C5orf47: variants seen among roughly 807,000 people sequenced by gnomAD.
C5orf47 encodes uncharacterized protein C5orf47.
Under a neutral mutation model 20.6 loss-of-function variants are expected in C5orf47, and 20 were observed. The ratio of observed to expected loss-of-function variants is 0.97; its 90% CI spans 0.68 to 1.41. C5orf47 has a LOEUF of 1.41. Ranked by LOEUF, C5orf47 falls within the 40% of genes most tolerant of loss-of-function variation. The pLI is 0.00. For missense variants in C5orf47, 262 were observed against 238.4 expected, an observed-to-expected ratio of 1.10 and a Z score of -0.65; for synonymous variants, 106 against 97.3, an observed-to-expected ratio of 1.09 and a Z score of -0.53.
chr5:174,002,262 A>G (rs1385126477), intron 4 of C5orf47, among the ~76,000 whole-genome samples: 3 of 152,110 alleles, frequency 2.0e-5, no homozygotes, highest in Non-Finnish European at 4.4e-5. Context: ...TGTCCAGCCG[A>G]GAGTATATTT....
downstream of C5orf47, among the ~76,000 whole-genome samples, chr5:174,007,906 T>G (rs1759317444): frequency 6.6e-6 from 1 of 152,158 alleles, no homozygotes; most frequent in African/African-American, 2.4e-5. Context: ...TCTGTATTGC[T>G]TGTTCATCCC....
At chr5:174,001,313 T>G (rs1759192886) in intron 4 of C5orf47, 82 bp downstream of exon 4, 1 of 767,888 alleles carries the variant, frequency 1.3e-6, no homozygotes, top group Admixed American at 2.8e-5. Context: ...CAAACATTAG[T>G]GTATAACCAA....
Position 173,999,704 on chromosome 5 carries a change from T to C in C5orf47, c.416T>C (p.Leu139Ser). The C allele has an allele frequency of 7.1e-7, 1 of 1,414,750 alleles. No homozygotes were observed. The highest frequency in any genetic ancestry group is 9.6e-7 in the Non-Finnish European group (1 of 1,038,124). The allele number at this position is 1,414,750 out of a possible 1,614,324, so 87.6% of individuals were successfully genotyped here. Residue 139 changes from leucine to serine, a missense_variant, in exon 3 of 5, where the codon TTA (leucine) becomes TCA (serine). Coordinates refer to ENST00000340147, the MANE Select transcript of C5orf47 (RefSeq NM_001144954.2). Reference sequence around the variant, plus strand: ...TACTGTGCTTATCTTTTTAAGGTTTTAGTATGGAATAGAGTATACAAAGTC... The same window carrying C: ...TACTGTGCTTATCTTTTTAAGGTTTCAGTATGGAATAGAGTATACAAAGTC... ...SKIMKKKKKV[L>S]VWNRVYKVIS...
chr5:173,989,547 C>A lies in C5orf47; in HGVS notation c.284C>A (p.Ala95Glu), dbSNP rs1265159807. The A allele has an allele frequency of 1.8e-5, 28 of 1,515,508 alleles. No individual in the cohort carries two copies. The highest frequency in any genetic ancestry group is 3.4e-4 in the Middle Eastern group (2 of 5,852). 93.9% of individuals were successfully genotyped at this position (1,515,508 alleles called of 1,614,324 possible). ...GCCTCTGCCTCCTCCCAGCTGCGGG[C>A]ATCGAGAGTTCAGAGCGGCACCAGA... The part of the protein sequence containing the change: ...AAASASSQLR[A>E]SRVQSGTRQS... The change falls in exon 1 of 5, where the codon GCA becomes GAA. Residue 95 changes from alanine to glutamate, a missense_variant. Physicochemically the swap from Ala to Glu is moderately radical, Grantham distance 107. Coordinates refer to ENST00000340147, the MANE Select transcript of C5orf47 (RefSeq NM_001144954.2).
At chr5:173,994,848 C>T (rs1196937648) in intron 1 of C5orf47, among the ~76,000 whole-genome samples, 1 of 152,156 alleles carries the variant, frequency 6.6e-6, no homozygotes, top group African/African-American at 2.4e-5. Context: ...GTGTCTCGCA[C>T]TGTCTCCCAG....
In C5orf47 at chr5:174,006,002, A is replaced by G. The variant is rs1418239728; in HGVS notation, c.*1748A>G. ...ATATGTGTTCAATCTGTTATGTTAAATAGAATATAATAAACATAAGACTTT... is the reference window on the plus strand; with the variant it reads ...ATATGTGTTCAATCTGTTATGTTAAGTAGAATATAATAAACATAAGACTTT... On this transcript the variant is annotated 3_prime_UTR_variant, in exon 5 of 5. Coordinates refer to ENST00000340147, the MANE Select transcript of C5orf47 (RefSeq NM_001144954.2). 3.3e-5 allele frequency: 5 copies of G among 152,274 alleles called. No individual in the cohort carries two copies. The highest frequency in any genetic ancestry group is 1.2e-4 in the African/African-American group (5 of 41,436). The allele number at this position is 152,274 out of a possible 1,614,324, so 9.4% of individuals were successfully genotyped here.
At chr5:173,990,101 A>C (rs972084370) in intron 1 of C5orf47, among the ~76,000 whole-genome samples, 2 of 150,612 alleles carry the variant, frequency 1.3e-5, no homozygotes, top group Non-Finnish European at 3.0e-5. Context: ...TGCCCTCTAA[A>C]TGCTCACTGT....
At chr5:174,001,865 G>A (rs1317614720) in intron 4 of C5orf47, among the ~76,000 whole-genome samples, 1 of 151,400 alleles carries the variant, frequency 6.6e-6, no homozygotes, top group Non-Finnish European at 1.5e-5. Context: ...CTCTGGTTAT[G>A]TACCTCTGGT....
intron 1 of C5orf47, among the ~76,000 whole-genome samples, chr5:173,992,273 T>C (rs955011743): frequency 6.7e-6 from 1 of 149,646 alleles, no homozygotes; most frequent in Non-Finnish European, 1.5e-5. Context: ...TTGGGCCCGA[T>C]ACAGTGCCTC....
chr5:173,994,633 GTC>G (rs1759056744), intron 1 of C5orf47, among the ~76,000 whole-genome samples: 1 of 152,162 alleles, frequency 6.6e-6, no homozygotes. Flanking sequence ...CAAGTCTGAA[GTC>G]TCTGTGCTGG....
chr5:173,991,237 G>C (rs1164468554), intron 1 of C5orf47, among the ~76,000 whole-genome samples: 1 of 151,854 alleles, frequency 6.6e-6, no homozygotes, highest in Non-Finnish European at 1.5e-5. Context: ...GATTTTCCAG[G>C]TATCAATATA....
At chr5:173,997,791 A>C (rs1759124456) in intron 1 of C5orf47, among the ~76,000 whole-genome samples, 2 of 152,110 alleles carry the variant, frequency 1.3e-5, no homozygotes. Context: ...TTGGAAGTGT[A>C]ATGTCTGTCT....
downstream of C5orf47, among the ~76,000 whole-genome samples, chr5:174,006,793 C>T (rs571520349): frequency 5.9e-5 from 9 of 152,260 alleles, no homozygotes; most frequent in South Asian, 1.7e-3. Context: ...GAGTCATGGA[C>T]TATACCTATG....
chr5:174,009,086 A>G (rs942981015), downstream of C5orf47, among the ~76,000 whole-genome samples: 5 of 152,142 alleles, frequency 3.3e-5, no homozygotes, highest in Non-Finnish European at 5.9e-5. Context: ...TAATCCTCAT[A>G]TCATCCACTT....
Position 173,989,221 on chromosome 5 carries a change from G to C in C5orf47, c.-43G>C. 1 of 1,362,314 alleles carries C rather than the reference G, an allele frequency of 7.3e-7. No individual in the cohort carries two copies. The highest frequency in any genetic ancestry group is 3.0e-5 in the East Asian group (1 of 33,412). The allele number at this position is 1,362,314 out of a possible 1,614,324, so 84.4% of individuals were successfully genotyped here. A position where few individuals can be genotyped will look rare whatever the true frequency, so the allele number is the denominator to read the frequency against. ...CAGTGGGCAGTCTGGCGCCTGTGGC[G>C]TCGTGTTTGCTGAGGGCCCGGCTGC... On this transcript the variant is annotated 5_prime_UTR_variant, in exon 1 of 5. Transcript: ENST00000340147.
chr5:173,989,721 C>G (rs929302872), intron 1 of C5orf47, 133 bp downstream of exon 1: 35 of 790,124 alleles, frequency 4.4e-5, no homozygotes, highest in Admixed American at 1.3e-4. Context: ...GTTGCGAGCA[C>G]GCGCAGGGGC....
chr5:173,996,321 C>G (rs752449862), intron 1 of C5orf47, among the ~76,000 whole-genome samples: 6 of 152,316 alleles, frequency 3.9e-5, no homozygotes, highest in Non-Finnish European at 8.8e-5. Flanking sequence ...GAGCTAGTCT[C>G]AGTACAATAC....
chr5:173,999,838 C>A, intron 3 of C5orf47, 39 bp downstream of exon 3: 4 of 1,085,382 alleles, frequency 3.7e-6, no homozygotes, highest in Non-Finnish European at 4.0e-6. Flanking sequence ...AAAAGACTGG[C>A]CTCTGTAACA....
At chr5:173,993,984 C>T (rs180980038) in intron 1 of C5orf47, among the ~76,000 whole-genome samples, 53 of 152,258 alleles carry the variant, frequency 3.5e-4, no homozygotes, top group African/African-American at 1.1e-3. Context: ...TGGGATTTGA[C>T]GAACACTTGG....
Sources: allele counts gnomAD v4.1 joint callset (sites outside exome capture counted in the v4.1 genomes callset), GRCh38; gene constraint gnomAD v4.1.1; transcripts MANE v1.5; gene names NCBI Gene and HGNC (gene_info 2026-07-23, HGNC 2026-07-21).